Variants in STARD13 observed in about 807,000 individuals in gnomAD.
The protein encoded by STARD13 is StAR related lipid transfer domain containing 13, also known as stAR-related lipid transfer protein 13.
In STARD13, 62 loss-of-function variants were observed where a neutral mutation model predicts 106.4. The ratio of observed to expected loss-of-function variants is 0.58; its 90% CI spans 0.48 to 0.72. STARD13 has a LOEUF of 0.72. STARD13 is among the 30% of genes least tolerant of loss of function. The pLI, the probability that STARD13 is intolerant of heterozygous loss-of-function variation, is 0.00. For missense variants in STARD13, 1,387 were observed against 1,424.0 expected, an observed-to-expected ratio of 0.97 and a Z score of 0.42; for synonymous variants, 565 against 553.0, an observed-to-expected ratio of 1.02 and a Z score of -0.31.
intron 8 of STARD13, chr13:33,113,154 G>A (rs540845336): frequency 3.8e-6 from 2 of 531,182 alleles, no homozygotes; most frequent in East Asian, 3.0e-5. Flanking sequence ...TTGAACTTTG[G>A]ATCCCACGCT....
At chr13:33,224,185 A>G (rs1761799785) in intron 1 of STARD13, among the ~76,000 whole-genome samples, 2 of 152,208 alleles carry the variant, frequency 1.3e-5, no homozygotes, top group African/African-American at 4.8e-5. Context: ...GTAATACACA[A>G]CTTGAGGGGA....
the STARD13 span, chr13:33,658,069 C>G: frequency 3.3e-5 from 5 of 152,242 alleles, no homozygotes; most frequent in African/African-American, 1.2e-4. Flanking sequence ...TTCCCCATGC[C>G]CCTTCCTCCA....
At chr13:33,224,388 A>AGCTC (rs143164712) in intron 1 of STARD13, among the ~76,000 whole-genome samples, 31,977 of 152,018 alleles carry the variant, frequency 0.21, 3,671 homozygotes, top group South Asian at 0.31. Context: ...AGTAACAAAT[A>AGCTC]GCTCCCAAGT....
Position 33,240,803 on chromosome 13 carries a change from G to A in STARD13, c.169+44667C>T, listed in dbSNP as rs1342642297. On this transcript the variant is annotated intron_variant, in intron 1 of 13. Transcript: ENST00000336934. The stretch of plus-strand genomic sequence containing the variant: ...TAAGGATCCTTAAGTTTATCCTTAA[G>A]TATCCTTATTTCCTTTTGATAGTAC... Among the ~76,000 whole-genome samples, 7 of 151,438 alleles carry A rather than the reference G, an allele frequency of 4.6e-5. No homozygotes were observed. In the South Asian group the frequency reaches 1.3e-3, roughly 27 times the overall value.
At chr13:33,114,789 G>A (rs993500434) in intron 8 of STARD13, among the ~76,000 whole-genome samples, 1 of 151,768 alleles carries the variant, frequency 6.6e-6, no homozygotes. Context: ...CTTTCTATCC[G>A]CTTGTTCTTT....
At chr13:33,498,292 C>G in the STARD13 span, among the ~76,000 whole-genome samples, 1 of 152,102 alleles carries the variant, frequency 6.6e-6, no homozygotes, top group South Asian at 2.1e-4. Flanking sequence ...AAAGTGTTAT[C>G]CCAATGTTGA....
rs774273129 is a variant in STARD13 at position 33,126,138 on chromosome 13, G to A, written c.2025C>T (p.Pro675=). 1.2e-6 allele frequency: 2 copies of A among 1,614,200 alleles called. No individual in the cohort carries two copies. The highest frequency in any genetic ancestry group is 2.2e-5 in the East Asian group (1 of 44,884). The change falls in exon 7 of 14, where the codon CCC becomes CCT. Residue 675 remains proline (P), a synonymous_variant. Transcript: ENST00000336934. ...LIVHVQRTGQ[P]LPQSIQQALR... is the part of the protein sequence containing the mutation. ...GTGCTTGCTGAATACTTTGAGGCAGGGGCTGTCCCGTTCTTTGGACGTGGA... is the reference window on the plus strand; with the variant it reads ...GTGCTTGCTGAATACTTTGAGGCAGAGGCTGTCCCGTTCTTTGGACGTGGA...
intron 1 of STARD13, among the ~76,000 whole-genome samples, chr13:33,252,341 T>G (rs1183473395): frequency 6.6e-6 from 1 of 152,212 alleles, no homozygotes; most frequent in Non-Finnish European, 1.5e-5. Flanking sequence ...CTGGGAGCAG[T>G]GATAACAGAG....
chr13:33,332,054 CA>C (rs1221933988), intron 1 of STARD13, among the ~76,000 whole-genome samples: 1 of 152,146 alleles, frequency 6.6e-6, no homozygotes, highest in African/African-American at 2.4e-5. Flanking sequence ...GAATTGCTCA[CA>C]GCAAATCATA....
the STARD13 span, among the ~76,000 whole-genome samples, chr13:33,466,706 A>T: frequency 6.6e-6 from 1 of 152,236 alleles, no homozygotes; most frequent in African/African-American, 2.4e-5. Flanking sequence ...TTAAAAAAAC[A>T]GTAAATATAG....
the STARD13 span, among the ~76,000 whole-genome samples, chr13:33,521,109 T>C: frequency 1.3e-5 from 2 of 152,124 alleles, no homozygotes; most frequent in African/African-American, 2.4e-5. Flanking sequence ...GGAGAGCCCA[T>C]GCCCTCAGTA....
chr13:33,168,779 G>C (rs983352350), intron 1 of STARD13, among the ~76,000 whole-genome samples: 2 of 152,224 alleles, frequency 1.3e-5, no homozygotes, highest in Non-Finnish European at 2.9e-5. Context: ...TGAAAGCTCA[G>C]TGTCTGTGCA....
intron 1 of STARD13, among the ~76,000 whole-genome samples, chr13:33,185,084 T>C (rs990574116): frequency 5.3e-5 from 8 of 152,236 alleles, no homozygotes; most frequent in Non-Finnish European, 1.2e-4. Flanking sequence ...ATAAATCTCA[T>C]TTTCAGAGAG....
the STARD13 span, among the ~76,000 whole-genome samples, chr13:33,532,683 T>C: frequency 6.6e-6 from 1 of 152,196 alleles, no homozygotes; most frequent in Non-Finnish European, 1.5e-5. Flanking sequence ...CAAAATTCCT[T>C]TCATGAAAAC....
chr13:33,580,268 A>G, the STARD13 span, among the ~76,000 whole-genome samples: 4 of 152,084 alleles, frequency 2.6e-5, no homozygotes, highest in Non-Finnish European at 5.9e-5. Context: ...TTAAATACAT[A>G]CTGCCGAGTG....
At chr13:33,221,091 T>C (rs1322559092) in intron 1 of STARD13, among the ~76,000 whole-genome samples, 1 of 152,090 alleles carries the variant, frequency 6.6e-6, no homozygotes, top group Non-Finnish European at 1.5e-5. Context: ...AAAAAAAAAT[T>C]GTGGTGAAAT....
chr13:33,192,770 C>T lies in STARD13; in HGVS notation c.170-25148G>A, dbSNP rs9569002. Among the ~76,000 whole-genome samples, 170 of 152,152 alleles carry T rather than the reference C, an allele frequency of 1.1e-3. 1 individual carries two copies. The East Asian group carries it at 0.029, about 26-fold the overall frequency. On this transcript the variant is annotated intron_variant, in intron 1 of 13. Transcript: ENST00000336934. ...AAAATTAGCTGGGTGTGGTGGTGCA[C>T]GCCTGTAATCCCAGCTACTTGGGAG... is the stretch of plus-strand genomic sequence containing the variant.
the STARD13 span, among the ~76,000 whole-genome samples, chr13:33,508,099 T>C: frequency 6.6e-6 from 1 of 152,152 alleles, no homozygotes. Context: ...TTGCCTAAGG[T>C]AGGGAATACA....
intron 1 of STARD13, among the ~76,000 whole-genome samples, chr13:33,260,335 A>G (rs1398105187): frequency 6.6e-6 from 1 of 152,230 alleles, no homozygotes; most frequent in African/African-American, 2.4e-5. Context: ...AAAGGGGTGG[A>G]TTTCCAGCTG....
Sources: gnomAD v4.1 joint callset for allele counts (sites outside exome capture counted in the v4.1 genomes callset) on GRCh38, gnomAD v4.1.1 for gene constraint, MANE v1.5 for transcripts, NCBI Gene and HGNC (gene_info 2026-07-23, HGNC 2026-07-21) for gene names.